TARS3: variants seen among roughly 807,000 people sequenced by gnomAD.
TARS3 encodes threonine--tRNA ligase 2, cytoplasmic.
Under a neutral mutation model 103.5 loss-of-function variants are expected in TARS3, and 94 were observed. The ratio of observed to expected loss-of-function variants is 0.91; its 90% CI spans 0.77 to 1.08. The LOEUF is 1.08. Among genes scored for constraint, TARS3 ranks in the 50% least tolerant of loss-of-function variants. The pLI, the probability that TARS3 is intolerant of heterozygous loss-of-function variation, is 0.00. For synonymous variants in TARS3, 416 were observed against 355.4 expected (o/e 1.17, Z -1.92); for missense variants, 952 against 995.2 (o/e 0.96, Z 0.58).
intron 5 of TARS3, among the ~76,000 whole-genome samples, chr15:101,709,628 C>T (rs1392694823): frequency 1.3e-5 from 2 of 152,310 alleles, no homozygotes; most frequent in African/African-American, 2.4e-5. Context: ...GCTGATGTTC[C>T]TATAGTCATC....
intron 10 of TARS3, chr15:101,699,470 T>C: frequency 2.2e-6 from 1 of 456,016 alleles, no homozygotes; most frequent in Non-Finnish European, 4.4e-6. Flanking sequence ...AATGCCACTG[T>C]AAAGGCTTTC....
chr15:101,700,263 C>T (rs545390732), intron 10 of TARS3, among the ~76,000 whole-genome samples: 2 of 152,306 alleles, frequency 1.3e-5, no homozygotes, highest in South Asian at 4.1e-4. Context: ...CAGTCCTTAT[C>T]ATGTAAATAC....
In TARS3 at chr15:101,708,932, C is replaced by T. The variant is rs74033402; in HGVS notation, c.813-22G>A. ...TGCTCTAAAAAGAAGAGCAGAGAACCGACATCCATCTTCCAGACATTATGC... is the reference window on the plus strand; with the variant it reads ...TGCTCTAAAAAGAAGAGCAGAGAACTGACATCCATCTTCCAGACATTATGC... On this transcript the variant is annotated intron_variant, in intron 5 of 18. Transcript: ENST00000335968. The T allele has an allele frequency of 1.8e-3, 2,544 of 1,444,860 alleles. 49 individuals are homozygous for T. In the African/African-American group the frequency reaches 0.034, roughly 19 times the overall value. The allele number at this position is 1,444,860 out of a possible 1,614,324, so 89.5% of individuals were successfully genotyped here.
Position 101,684,144 on chromosome 15 carries a change from A to C in TARS3, c.1581T>G (p.Thr527=). ...GVLHRNELSG[T]LSGLTRVRRF... ...GCCTCACTCTGGTCAAGCCGCTGAG[A>C]GTCCCCGACAGTTCATTTCTATGCA... is the stretch of plus-strand genomic sequence containing the variant. Residue 527 remains threonine (T), a synonymous_variant, in exon 12 of 19, where the codon ACT becomes ACG. Transcript: ENST00000335968. 12 of 1,614,068 alleles carry C rather than the reference A, an allele frequency of 7.4e-6. No individual in the cohort carries two copies. The highest frequency in any genetic ancestry group is 1.0e-5 in the Non-Finnish European group (12 of 1,179,962).
Position 101,656,920 on chromosome 15 carries a change from A to G in TARS3, c.2260+2T>C, listed in dbSNP as rs1259705282. On this transcript the variant is annotated splice_donor_variant, in intron 18 of 18. Transcript: ENST00000335968. LOFTEE classifies it high-confidence loss of function. ...GGAAAAATATATACAAACTTAAATT[A>G]CCCAAAATAAAATTATACTGAGCCA... The G allele has an allele frequency of 5.0e-6, 8 of 1,584,240 alleles. No homozygotes were observed. Among genetic ancestry groups the G allele is most frequent in the Non-Finnish European group, 6.9e-6 (8 of 1,159,758 alleles).
chr15:101,684,518 T>C (rs1898386004), intron 11 of TARS3, among the ~76,000 whole-genome samples: 1 of 152,198 alleles, frequency 6.6e-6, no homozygotes, highest in African/African-American at 2.4e-5. Flanking sequence ...TATGATTCAT[T>C]TCAAAGGCTA....
At chr15:101,687,833 G>A (rs1898540590) in intron 10 of TARS3, among the ~76,000 whole-genome samples, 1 of 152,044 alleles carries the variant, frequency 6.6e-6, no homozygotes, top group African/African-American at 2.4e-5. Context: ...CTTATAAAAG[G>A]ATTCGCAGAG....
rs1449912739 is a variant in TARS3 at position 101,706,008 on chromosome 15, G to T, written c.931-261C>A. Among the ~76,000 whole-genome samples, 4 of 152,232 alleles carry T rather than the reference G, an allele frequency of 2.6e-5. No individual in the cohort carries two copies. In the East Asian group the frequency reaches 7.7e-4, roughly 29 times the overall value. ...AGACAGAGTCTCACTCCCTCACCCA[G>T]GCTAGGGTGCAGTGCCACCATCTTG... On this transcript the variant is annotated intron_variant, in intron 6 of 18. Transcript: ENST00000335968.
At chr15:101,692,701 G>C (rs1346952106) in intron 10 of TARS3, among the ~76,000 whole-genome samples, 2 of 152,240 alleles carry the variant, frequency 1.3e-5, no homozygotes, top group East Asian at 1.9e-4. Flanking sequence ...CCTAGTGATG[G>C]AGGGGAAGGG....
At chr15:101,691,241 T>C (rs1333384826) in intron 10 of TARS3, among the ~76,000 whole-genome samples, 1 of 151,008 alleles carries the variant, frequency 6.6e-6, no homozygotes, top group Non-Finnish European at 1.5e-5. Flanking sequence ...GCCCGGCCAA[T>C]GGGTATCAGT....
chr15:101,716,314 C>T (rs55653250), intron 3 of TARS3, among the ~76,000 whole-genome samples: 48,691 of 151,740 alleles, frequency 0.32, 9,611 homozygotes, highest in Non-Finnish European at 0.45. Flanking sequence ...AAATTGTTGA[C>T]AAAATTACAA....
intron 5 of TARS3, among the ~76,000 whole-genome samples, chr15:101,710,879 G>A (rs1899829684): frequency 6.6e-6 from 1 of 152,194 alleles, no homozygotes; most frequent in East Asian, 1.9e-4. Flanking sequence ...CTAAACAACT[G>A]GATGGTGGCG....
At chr15:101,710,621 G>T (rs1309378185) in intron 5 of TARS3, among the ~76,000 whole-genome samples, 3 of 152,180 alleles carry the variant, frequency 2.0e-5, no homozygotes, top group African/African-American at 7.2e-5. Context: ...GATAAGAATT[G>T]TTGTAGGTAA....
chr15:101,724,398 C>T lies in TARS3; in HGVS notation c.-11G>A, dbSNP rs1186203304. ...GGCCTCGGCCGCCATCGCGGCCTCC[C>T]TCAGGCACCGACGCCGAGCGGGGTG... On this transcript the variant is annotated 5_prime_UTR_variant, in exon 1 of 19. Coordinates refer to ENST00000335968, the MANE Select transcript of TARS3 (RefSeq NM_152334.3). 2 of 1,435,286 alleles carry T rather than the reference C, an allele frequency of 1.4e-6. No homozygotes were observed. Among genetic ancestry groups the T allele is most frequent in the South Asian group, 2.9e-5 (2 of 69,686 alleles). The allele number at this position is 1,435,286 out of a possible 1,614,324, so 88.9% of individuals were successfully genotyped here. A position where few individuals can be genotyped will look rare whatever the true frequency, so the allele number is the denominator to read the frequency against.
At chr15:101,691,561 TG>T (rs1253655460) in intron 10 of TARS3, among the ~76,000 whole-genome samples, 1 of 152,158 alleles carries the variant, frequency 6.6e-6, no homozygotes, top group African/African-American at 2.4e-5. Context: ...ATTACAAGAG[TG>T]AGTCACTATG....
chr15:101,673,624 G>A (rs551965497), intron 13 of TARS3, among the ~76,000 whole-genome samples: 7 of 152,304 alleles, frequency 4.6e-5, no homozygotes, highest in African/African-American at 1.7e-4. Flanking sequence ...TGGCTCCAGA[G>A]CTGAGCTCTG....
rs1399717829 is a variant in TARS3 at position 101,698,405 on chromosome 15, C to T, written c.1320+2681G>A. 2.6e-5 allele frequency among the ~76,000 whole-genome samples: 4 copies of T among 151,092 alleles called. No individual in the cohort carries two copies. In the East Asian group the frequency reaches 7.8e-4, roughly 29 times the overall value. On this transcript the variant is annotated intron_variant, in intron 10 of 18. Coordinates refer to ENST00000335968, the MANE Select transcript of TARS3 (RefSeq NM_152334.3). The stretch of plus-strand genomic sequence containing the variant: ...TAAAAAAGAAAGCTACCCTAAGGCA[C>T]ATATGGGCCATTTCTTATGGAAGAG...
chr15:101,705,844 T>C (rs764924176), intron 6 of TARS3, 97 bp from the exon 7 acceptor site: 15 of 1,034,668 alleles, frequency 1.4e-5, no homozygotes, highest in Non-Finnish European at 2.2e-5. Context: ...GGTCATCTAC[T>C]GATGTTCTAG....
intron 3 of TARS3, among the ~76,000 whole-genome samples, chr15:101,720,286 T>G (rs1450055349): frequency 6.6e-6 from 1 of 152,226 alleles, no homozygotes; most frequent in African/African-American, 2.4e-5. Context: ...GCTATATAAT[T>G]GTATTTATAC....
Sources: gnomAD v4.1 joint callset for allele counts (sites outside exome capture counted in the v4.1 genomes callset) on GRCh38, gnomAD v4.1.1 for gene constraint, MANE v1.5 for transcripts, NCBI Gene and HGNC (gene_info 2026-07-23, HGNC 2026-07-21) for gene names.